The following USP6NL variants were observed in gnomAD, a reference collection of about 807,000 sequenced individuals.
The protein encoded by USP6NL is USP6 N-terminal like, also known as USP6 N-terminal-like protein.
Under a neutral mutation model 61.9 loss-of-function variants are expected in USP6NL, and 26 were observed. The observed-to-expected ratio is 0.42, with a 90% CI of 0.31 to 0.58. The LOEUF is 0.58. Ranked by LOEUF, USP6NL falls within the 20% of genes least tolerant of loss-of-function variation. USP6NL has a pLI of 0.16. For synonymous variants in USP6NL, 432 were observed against 390.1 expected, an observed-to-expected ratio of 1.11 and a Z score of -1.27; for missense variants, 1,114 against 1,034.3, an observed-to-expected ratio of 1.08 and a Z score of -1.06.
At chr10:11,508,137 G>A (rs1834540575) in intron 6 of USP6NL, among the ~76,000 whole-genome samples, 1 of 152,002 alleles carries the variant, frequency 6.6e-6, no homozygotes, top group Non-Finnish European at 1.5e-5. Context: ...ACTCAGTTGT[G>A]TTTTGCTAGT....
intron 2 of USP6NL, among the ~76,000 whole-genome samples, chr10:11,527,882 A>G (rs1454693805): frequency 6.6e-6 from 1 of 152,224 alleles, no homozygotes; most frequent in African/African-American, 2.4e-5. Flanking sequence ...GAAAGCTCTA[A>G]GTTTTCAGAT....
intron 2 of USP6NL, among the ~76,000 whole-genome samples, chr10:11,556,587 A>G (rs953449134): frequency 6.6e-6 from 1 of 152,236 alleles, no homozygotes; most frequent in Non-Finnish European, 1.5e-5. Context: ...AAAGTTATAT[A>G]TACCATGTAA....
At position 11,600,116 on chromosome 10, in the gene USP6NL, TC is replaced by T. The variant is rs2133675634; in HGVS notation, c.-83-2400del. On this transcript the variant is annotated intron_variant, in intron 1 of 14. Coordinates refer to ENST00000609104, the MANE Select transcript of USP6NL (RefSeq NM_014688.5). The surrounding 1 kb of genome is among the most constrained non-coding windows in gnomAD (Gnocchi z 4.1). ...AGGTGAAAGAAGAAAAACCTTACTT[TC>T]TGTTTTTCACACCATCCAACAGGGA... Among the ~76,000 whole-genome samples the T allele has an allele frequency of 6.6e-6, 1 of 152,288 alleles. No individual in the cohort carries two copies. Among genetic ancestry groups the T allele is most frequent in the African/African-American group, 2.4e-5 (1 of 41,556 alleles).
chr10:11,558,553 G>T (rs1395027342), intron 2 of USP6NL, among the ~76,000 whole-genome samples: 1 of 152,136 alleles, frequency 6.6e-6, no homozygotes, highest in Non-Finnish European at 1.5e-5. Flanking sequence ...GTCCTCATTT[G>T]TGGTTGCAGA....
At chr10:11,480,501 A>C (rs1176089399) in intron 14 of USP6NL, among the ~76,000 whole-genome samples, 1 of 152,230 alleles carries the variant, frequency 6.6e-6, no homozygotes, top group Non-Finnish European at 1.5e-5. Flanking sequence ...AAGTCATTAC[A>C]CTGAACAGGA....
intron 2 of USP6NL, among the ~76,000 whole-genome samples, chr10:11,578,176 C>T (rs1318348626): frequency 1.3e-5 from 2 of 151,948 alleles, no homozygotes; most frequent in South Asian, 2.1e-4. Context: ...ACTATGTTGC[C>T]GAGGCTGGTC....
intron 1 of USP6NL, among the ~76,000 whole-genome samples, chr10:11,601,152 A>G (rs1838514196): frequency 6.6e-6 from 1 of 152,210 alleles, no homozygotes; most frequent in Admixed American, 6.5e-5. Context: ...TTATATAATC[A>G]AGTACTATGA....
At chr10:11,599,728 C>CTTT (rs1167014471) in intron 1 of USP6NL, among the ~76,000 whole-genome samples, 9 of 135,722 alleles carry the variant, frequency 6.6e-5, no homozygotes, top group South Asian at 2.3e-4. Flanking sequence ...CTCCAACCTA[C>CTTT]TTTTTTTTTT....
chr10:11,495,508 T>C lies in USP6NL; in HGVS notation c.385-2280A>G, dbSNP rs558312984. ...TGGGAACTCCTAGGCTATCATCTAA[T>C]TTTCTTGTATTTTTCTGTATTATTT... On this transcript the variant is annotated intron_variant, in intron 7 of 14. Transcript: ENST00000609104. This position sits in a 1 kb window ranked among gnomAD's most constrained non-coding sequence, Gnocchi z 4.6. Among the ~76,000 whole-genome samples the C allele has an allele frequency of 1.3e-5, 2 of 152,252 alleles. No homozygotes were observed. The highest frequency in any genetic ancestry group is 4.1e-4 in the South Asian group (2 of 4,828).
In USP6NL at chr10:11,482,050, T is replaced by C. The variant is rs1329378277; in HGVS notation, c.926-128A>G. The C allele has an allele frequency of 3.3e-6, 3 of 915,132 alleles. No homozygotes were observed. Among genetic ancestry groups the C allele is most frequent in the South Asian group, 2.1e-5 (1 of 47,160 alleles). The allele number at this position is 915,132 out of a possible 1,614,324, so 56.7% of individuals were successfully genotyped here. A position where few individuals can be genotyped will look rare whatever the true frequency, so the allele number is the denominator to read the frequency against. The stretch of plus-strand genomic sequence containing the variant: ...GCGCAAGCAGCATACAACTTACATA[T>C]GGCATTGAGGACATCATTAAAACTC... On this transcript the variant is annotated intron_variant, in intron 13 of 14. Transcript: ENST00000609104. This position sits in a 1 kb window ranked among gnomAD's most constrained non-coding sequence, Gnocchi z 4.0.
chr10:11,521,524 G>A (rs1168730368), intron 4 of USP6NL, among the ~76,000 whole-genome samples: 2 of 151,768 alleles, frequency 1.3e-5, no homozygotes, highest in Non-Finnish European at 2.9e-5. Context: ...GGGATTATAG[G>A]AGCGCGCCAC....
chr10:11,525,313 A>G lies in USP6NL; in HGVS notation c.155+73T>C. On this transcript the variant is annotated intron_variant, in intron 4 of 14. Transcript: ENST00000609104. The surrounding 1 kb of genome is among the most constrained non-coding windows in gnomAD (Gnocchi z 5.0). ...TTCACAGCAATTATATTAAAAATAA[A>G]GAAAATCAATATAATAGGTGACCAC... is the stretch of plus-strand genomic sequence containing the variant. 3 of 1,232,142 alleles carry G rather than the reference A, an allele frequency of 2.4e-6. No homozygotes were observed. The highest frequency in any genetic ancestry group is 3.4e-6 in the Non-Finnish European group (3 of 881,874). The allele number at this position is 1,232,142 out of a possible 1,614,324, so 76.3% of individuals were successfully genotyped here.
chr10:11,497,860 A>G (rs1259992188), intron 7 of USP6NL, among the ~76,000 whole-genome samples: 2 of 152,204 alleles, frequency 1.3e-5, no homozygotes, highest in Non-Finnish European at 2.9e-5. Flanking sequence ...TAATATAAAA[A>G]TAAATACTTT....
chr10:11,539,120 T>C (rs1835949683), intron 2 of USP6NL, among the ~76,000 whole-genome samples: 1 of 152,194 alleles, frequency 6.6e-6, no homozygotes. Flanking sequence ...CAAGACAGGC[T>C]CACCTCCTGC....
rs1009179144 is a variant in USP6NL at position 11,561,365 on chromosome 10, T to A, written c.5-33798A>T. ...TGGGTTTCCATAAAGTCTTTCTCCT[T>A]TGCACATTCTAAAACAGATTTAAAC... On this transcript the variant is annotated intron_variant, in intron 2 of 14. Transcript: ENST00000609104. This position sits in a 1 kb window ranked among gnomAD's most constrained non-coding sequence, Gnocchi z 4.1. Among the ~76,000 whole-genome samples the A allele has an allele frequency of 3.3e-5, 5 of 152,208 alleles. No homozygotes were observed. Among genetic ancestry groups the A allele is most frequent in the Admixed American group, 2.6e-4 (4 of 15,286 alleles).
chr10:11,505,192 G>A (rs1834382036), intron 6 of USP6NL, among the ~76,000 whole-genome samples: 1 of 152,132 alleles, frequency 6.6e-6, no homozygotes, highest in South Asian at 2.1e-4. Flanking sequence ...ACTCAATACT[G>A]AATAGGAATG....
rs561377889 is a variant in USP6NL at position 11,468,117 on chromosome 10, G to A, written c.1079-4268C>T. Reference sequence around the variant, plus strand: ...AGTGATCACCTTCTTTGCTTTCTGAGTGATCAAAAATCCATTTTTAATTAA... The same window carrying A: ...AGTGATCACCTTCTTTGCTTTCTGAATGATCAAAAATCCATTTTTAATTAA... On this transcript the variant is annotated intron_variant, in intron 14 of 14. Coordinates refer to ENST00000609104, the MANE Select transcript of USP6NL (RefSeq NM_014688.5). The surrounding 1 kb of genome is among the most constrained non-coding windows in gnomAD (Gnocchi z 4.5). Among the ~76,000 whole-genome samples, 2 of 152,258 alleles carry A rather than the reference G, an allele frequency of 1.3e-5. No homozygotes were observed. The highest frequency in any genetic ancestry group is 1.3e-4 in the Admixed American group (2 of 15,304).
rs1214614154 is a variant in USP6NL at position 11,575,681 on chromosome 10, T to C, written c.4+21950A>G. ...TTCACTACTGTCAATGCTTAGCTTC[T>C]GCTAAGCAATCAATAGCTTTTTCTT... On this transcript the variant is annotated intron_variant, in intron 2 of 14. Transcript: ENST00000609104. This position sits in a 1 kb window ranked among gnomAD's most constrained non-coding sequence, Gnocchi z 4.2. Among the ~76,000 whole-genome samples the C allele has an allele frequency of 5.9e-5, 9 of 152,236 alleles. No homozygotes were observed. The highest frequency in any genetic ancestry group is 2.2e-4 in the African/African-American group (9 of 41,468).
At position 11,499,633 on chromosome 10, in the gene USP6NL, C is replaced by T. The variant is rs1473342281; in HGVS notation, c.384+1468G>A. Among the ~76,000 whole-genome samples, 1 of 152,082 alleles carries T rather than the reference C, an allele frequency of 6.6e-6. No homozygotes were observed. Among genetic ancestry groups the T allele is most frequent in the Non-Finnish European group, 1.5e-5 (1 of 68,018 alleles). The stretch of plus-strand genomic sequence containing the variant: ...CACACATTCACAGGAGGGAGGATAG[C>T]CAGGTGATAAGGAAGACAGGGATGG... On this transcript the variant is annotated intron_variant, in intron 7 of 14. Coordinates refer to ENST00000609104, the MANE Select transcript of USP6NL (RefSeq NM_014688.5). This position sits in a 1 kb window ranked among gnomAD's most constrained non-coding sequence, Gnocchi z 4.5.
Sources: allele counts gnomAD v4.1 joint callset (sites outside exome capture counted in the v4.1 genomes callset), GRCh38; gene constraint gnomAD v4.1.1; non-coding constraint Gnocchi (gnomAD v3.1); transcripts MANE v1.5; gene names NCBI Gene and HGNC (gene_info 2026-07-23, HGNC 2026-07-21).